The following DST variants were observed in gnomAD, a reference collection of about 807,000 sequenced individuals.
DST encodes the protein bullous pemphigoid antigen.
DST carries 253 observed loss-of-function variants against 875.2 expected under a neutral mutation model. The ratio of observed to expected loss-of-function variants is 0.29; its 90% confidence interval spans 0.26 to 0.32. The LOEUF is 0.32. Among genes scored for constraint, DST ranks in the 10% least tolerant of loss-of-function variants. The pLI is 1.00. For missense variants in DST, 8,287 were observed against 9,111.6 expected (o/e 0.91, Z 3.68); for synonymous variants, 3,124 against 3,197.1 (o/e 0.98, Z 0.77).
At chr6:56,791,800 A>AG (rs1292956315) in intron 4 of DST, among the ~76,000 whole-genome samples, 2 of 151,828 alleles carry the variant, frequency 1.3e-5, no homozygotes, top group African/African-American at 2.4e-5. Context: ...AAAAAAAAAA[A>AG]AAAGAAAGAA....
In DST at chr6:56,501,194, T is replaced by C. The variant is rs373569297; in HGVS notation, c.19782A>G (p.Gln6594=). The change falls in exon 80 of 104, where the codon CAA becomes CAG. Residue 6594 remains glutamine, a synonymous_variant. Transcript: ENST00000680361. ...ATGCCAGGAGCTCATCCAGGGCATGTTGGAACTGACCCAAGGCTAATAGAG... is the reference window on the plus strand; with the variant it reads ...ATGCCAGGAGCTCATCCAGGGCATGCTGGAACTGACCCAAGGCTAATAGAG... ...EGALLALGQF[Q]HALDELLAWL... 30 of 1,611,828 alleles carry C rather than the reference T, an allele frequency of 1.9e-5. No individual in the cohort carries two copies. Among genetic ancestry groups the C allele is most frequent in the Middle Eastern group, 1.6e-4 (1 of 6,072 alleles).
chr6:56,719,035 T>A (rs1476107357), intron 5 of DST, among the ~76,000 whole-genome samples: 1 of 152,182 alleles, frequency 6.6e-6, no homozygotes, highest in Non-Finnish European at 1.5e-5. Context: ...TTAAATGAAT[T>A]TTATAATATG....
Position 56,634,143 on chromosome 6 carries a change from T to C in DST, c.3610A>G (p.Asn1204Asp). The C allele has an allele frequency of 6.2e-7, 1 of 1,613,264 alleles. No individual in the cohort carries two copies. Among genetic ancestry groups the C allele is most frequent in the Non-Finnish European group, 8.5e-7 (1 of 1,180,010 alleles). The part of the protein sequence containing the change: ...INEIDRIRAS[N>D]VASIKTMLPG... The stretch of plus-strand genomic sequence containing the variant: ...AGATTCATACTTACTGAAGCCACAT[T>C]GCTAGCTCGAATTCTATCAATTTCA... The change falls in exon 27 of 104, where the codon AAT becomes GAT. Residue 1204 changes from asparagine to aspartate, a missense_variant. This residue lies in a region of DST where 3,138 missense variants were observed against 3,116.6 expected (regional missense o/e 1.01). Coordinates refer to ENST00000680361, the MANE Select transcript of DST (RefSeq NM_001374736.1).
chr6:56,469,079 TACTC>T (rs2094740731), intron 97 of DST, 80 bp from the exon 98 acceptor site: 4 of 1,095,170 alleles, frequency 3.7e-6, no homozygotes, highest in East Asian at 5.3e-5. Flanking sequence ...CATACACACA[TACTC>T]ACACTCTGTG....
At position 56,954,732 on chromosome 6, in the gene DST, C is replaced by G. The variant is rs1824341140; in HGVS notation, c.-145G>C. 1 of 311,608 alleles carries G rather than the reference C, an allele frequency of 3.2e-6. No individual in the cohort carries two copies. The highest frequency in any genetic ancestry group is 4.8e-6 in the Non-Finnish European group (1 of 207,108). 19.3% of individuals were successfully genotyped at this position (311,608 alleles called of 1,614,324 possible). A position where few individuals can be genotyped will look rare whatever the true frequency, so the allele number is the denominator to read the frequency against. On this transcript the variant is annotated 5_prime_UTR_variant, in exon 1 of 104. Transcript: ENST00000680361. ...GGCGCTCGCGGCCCCGCGCCCAGCC[C>G]AATGGCTGCGCACCCCGCGCCAGCC...
intron 4 of DST, among the ~76,000 whole-genome samples, chr6:56,809,172 T>C (rs904701605): frequency 2.6e-5 from 4 of 152,156 alleles, no homozygotes; most frequent in Non-Finnish European, 4.4e-5. Context: ...TTCTTGGTGC[T>C]CTCCCTTAAG....
At chr6:56,611,683 T>G in intron 37 of DST, 87 bp from the exon 38 acceptor site, 10 of 924,454 alleles carry the variant, frequency 1.1e-5, no homozygotes, top group Non-Finnish European at 1.6e-5. Flanking sequence ...AATCAAGCTT[T>G]AGTCAAGACC....
Position 56,652,079 on chromosome 6 carries a change from A to G in DST, c.1215-835T>C, listed in dbSNP as rs574516134. On this transcript the variant is annotated intron_variant, in intron 10 of 103. Coordinates refer to ENST00000680361, the MANE Select transcript of DST (RefSeq NM_001374736.1). ...ATAATAAGCAATAGTTTATGTTTTC[A>G]TGAGCACACATGTGTGCATGTGCCC... is the stretch of plus-strand genomic sequence containing the variant. Among the ~76,000 whole-genome samples the G allele has an allele frequency of 3.9e-5, 6 of 152,292 alleles. No homozygotes were observed. The East Asian group carries it at 1.2e-3, about 29-fold the overall frequency.
In DST at chr6:56,604,875, T is replaced by G. The variant is rs926896843; in HGVS notation, c.9753A>C (p.Glu3251Asp). 3 of 1,612,718 alleles carry G rather than the reference T, an allele frequency of 1.9e-6. No homozygotes were observed. The highest frequency in any genetic ancestry group is 1.6e-4 in the Middle Eastern group (1 of 6,062). ...TTTCTGTTCCTCCTCCTGAGATGCT[T>G]TCTTTACTACAAAGATCATTGCTTT... The part of the protein sequence containing the change: ...MIQSNDLCSK[E>D]SISGGGTEIS... The change falls in exon 40 of 104, where the codon GAA (glutamate) becomes GAC (aspartate). Residue 3251 changes from glutamate (E) to aspartate (D), a missense_variant. Glu to Asp is a conservative substitution (Grantham distance 45). Coordinates refer to ENST00000680361, the MANE Select transcript of DST (RefSeq NM_001374736.1).
chr6:56,648,519 T>C lies in DST; in HGVS notation c.1554+51A>G, dbSNP rs962690818. On this transcript the variant is annotated intron_variant, in intron 13 of 103. Coordinates refer to ENST00000680361, the MANE Select transcript of DST (RefSeq NM_001374736.1). ...ATTACAGAATTATTATAGCATTACT[T>C]AAGGGTTTACAATTGAATCAATCCT... 8.7e-6 allele frequency: 13 copies of C among 1,495,234 alleles called. No individual in the cohort carries two copies. The African/African-American group carries it at 1.8e-4, about 21-fold the overall frequency. 92.6% of individuals were successfully genotyped at this position (1,495,234 alleles called of 1,614,324 possible).
At chr6:56,923,126 T>C (rs1805120185) in intron 2 of DST, among the ~76,000 whole-genome samples, 2 of 152,130 alleles carry the variant, frequency 1.3e-5, no homozygotes, top group Non-Finnish European at 1.5e-5. Flanking sequence ...CAAGAAATCA[T>C]GGCTGATTCA....
intron 82 of DST, among the ~76,000 whole-genome samples, chr6:56,495,810 T>G (rs1469572466): frequency 6.6e-6 from 1 of 152,122 alleles, no homozygotes; most frequent in Non-Finnish European, 1.5e-5. Context: ...ACCGAATTAG[T>G]AGGACTTACT....
At chr6:56,930,234 TG>T (rs34543346) in intron 2 of DST, among the ~76,000 whole-genome samples, 66 of 152,346 alleles carry the variant, frequency 4.3e-4, no homozygotes, top group Admixed American at 2.9e-3. Flanking sequence ...GCCCTAACTT[TG>T]GGATCTACTA....
Position 56,598,026 on chromosome 6 carries a change from A to G in DST, c.11929-20T>C. On this transcript the variant is annotated intron_variant, in intron 46 of 103. Coordinates refer to ENST00000680361, the MANE Select transcript of DST (RefSeq NM_001374736.1). ...TGCTACCTGGGAAGGGAAAGTTCAC[A>G]GGAGGAATTCAGAACGTGGGCCAAG... The G allele has an allele frequency of 6.4e-7, 1 of 1,564,790 alleles. No individual in the cohort carries two copies. Among genetic ancestry groups the G allele is most frequent in the East Asian group, 2.2e-5 (1 of 44,446 alleles).
rs371080783 is a variant in DST, at chr6:56,464,661, G to C, written c.22759+24C>G. On this transcript the variant is annotated intron_variant, in intron 100 of 103. Coordinates refer to ENST00000680361, the MANE Select transcript of DST (RefSeq NM_001374736.1). ...AGGAAAGAGAAAAGGAAAGAGGGGA[G>C]AGGCAAAGAGAGAGGTTGCCAACCT... 5 of 1,502,240 alleles carry C rather than the reference G, an allele frequency of 3.3e-6. No homozygotes were observed. The African/African-American group carries it at 4.1e-5, about 12-fold the overall frequency. The allele number at this position is 1,502,240 out of a possible 1,614,324, so 93.1% of individuals were successfully genotyped here. A position where few individuals can be genotyped will look rare whatever the true frequency, so the allele number is the denominator to read the frequency against.
At chr6:56,570,739 G>T (rs2097767334) in intron 53 of DST, among the ~76,000 whole-genome samples, 1 of 152,164 alleles carries the variant, frequency 6.6e-6, no homozygotes, top group African/African-American at 2.4e-5. Context: ...AAAGATAGGA[G>T]TATTCAAGAA....
chr6:56,893,582 T>A lies in DST; in HGVS notation c.417+6839A>T, dbSNP rs1483699173. Among the ~76,000 whole-genome samples the A allele has an allele frequency of 2.0e-4, 14 of 70,384 alleles. No individual in the cohort carries two copies. The South Asian group carries it at 2.3e-3, about 12-fold the overall frequency. The allele number at this position is 70,384 out of a possible 152,430, so 46.2% of individuals were successfully genotyped here. On this transcript the variant is annotated intron_variant, in intron 3 of 103. Coordinates refer to ENST00000680361, the MANE Select transcript of DST (RefSeq NM_001374736.1). ...TAGTTCTTTTTTTTTTTTTTTTTTT[T>A]TTTTTATTTTTTTTTATTTTTTATT...
intron 5 of DST, among the ~76,000 whole-genome samples, chr6:56,707,622 T>G (rs2099346405): frequency 6.6e-6 from 1 of 152,182 alleles, no homozygotes; most frequent in African/African-American, 2.4e-5. Flanking sequence ...GACTTACATT[T>G]CACTCTATAT....
At chr6:56,727,279 T>C (rs942792774) in intron 5 of DST, among the ~76,000 whole-genome samples, 2 of 152,216 alleles carry the variant, frequency 1.3e-5, no homozygotes, top group Non-Finnish European at 2.9e-5. Context: ...TATTGATCTA[T>C]GTCTCATGTC....
Sources: allele counts gnomAD v4.1 joint callset (sites outside exome capture counted in the v4.1 genomes callset), GRCh38; gene constraint gnomAD v4.1.1; regional missense constraint gnomAD v4.1.1; transcripts MANE v1.5; gene names NCBI Gene and HGNC (gene_info 2026-07-23, HGNC 2026-07-21).